The following SIN3B variants were observed in gnomAD, a reference collection of about 807,000 sequenced individuals.
The protein encoded by SIN3B is SIN3 transcription regulator family member B.
SIN3B carries 19 observed loss-of-function variants against 120.2 expected under a neutral mutation model. That is an observed-to-expected ratio of 0.16 (90% confidence interval 0.11 to 0.23). SIN3B has a LOEUF of 0.23. Among genes scored for constraint, SIN3B ranks in the 10% least tolerant of loss-of-function variants. The pLI is 1.00. For missense variants in SIN3B, 1,073 were observed against 1,573.0 expected, an observed-to-expected ratio of 0.68 and a Z score of 5.38; for synonymous variants, 654 against 653.2, an observed-to-expected ratio of 1.00 and a Z score of -0.02.
Position 16,877,589 on chromosome 19 carries a change from G to A in SIN3B, c.2904G>A (p.Ala968=), listed in dbSNP as rs763804921. The change falls in exon 17 of 19, where the codon GCG becomes GCA. Residue 968 remains alanine (A), a synonymous_variant. Transcript: ENST00000248054. ...AGCAGTATGTGGGGACCGAGGGCGC[G>A]TCCAGCTCGCCCACTGAGGGCTTCC... ...YVEQYVGTEG[A]SSSPTEGFLL... The A allele has an allele frequency of 9.3e-5, 150 of 1,612,306 alleles. No homozygotes were observed. The highest frequency in any genetic ancestry group is 1.1e-4 in the Non-Finnish European group (131 of 1,179,638).
At chr19:16,865,037 TGGTC>T (rs971248480) in intron 10 of SIN3B, 8 of 166,608 alleles carry the variant, frequency 4.8e-5, no homozygotes, top group African/African-American at 1.7e-4. Context: ...TTCACTATGT[TGGTC>T]GGGCTGGTCT....
intron 7 of SIN3B, among the ~76,000 whole-genome samples, 158 bp from the exon 8 acceptor site, chr19:16,853,985 T>A (rs530434919): frequency 6.6e-6 from 1 of 151,626 alleles, no homozygotes; most frequent in Non-Finnish European, 1.5e-5. Flanking sequence ...GTGCATGGAT[T>A]GCGTGCATGG....
At chr19:16,842,216 T>C (rs569466221) in intron 4 of SIN3B, among the ~76,000 whole-genome samples, 18 of 151,722 alleles carry the variant, frequency 1.2e-4, no homozygotes, top group African/African-American at 4.4e-4. Context: ...GCCTCCCAAG[T>C]AGCGGAGGCT....
chr19:16,863,224 A>T, intron 9 of SIN3B: 2 of 524,698 alleles, frequency 3.8e-6, no homozygotes, highest in South Asian at 4.7e-5. Context: ...CAAGTTCCTC[A>T]TCTGTGGTTT....
At chr19:16,868,142 T>C (rs1224686128) in intron 12 of SIN3B, among the ~76,000 whole-genome samples, 1 of 152,136 alleles carries the variant, frequency 6.6e-6, no homozygotes, top group Non-Finnish European at 1.5e-5. Context: ...GAGGGGACTG[T>C]AAAGGAATTT....
chr19:16,866,603 C>G (rs553368124), intron 12 of SIN3B, 47 bp downstream of exon 12: 2 of 1,576,404 alleles, frequency 1.3e-6, no homozygotes, highest in South Asian at 2.2e-5. Flanking sequence ...GGGGTCCTGG[C>G]TCTCCCGACC....
At chr19:16,856,967 G>A (rs1599602456) in intron 8 of SIN3B, among the ~76,000 whole-genome samples, 1 of 151,988 alleles carries the variant, frequency 6.6e-6, no homozygotes, top group Non-Finnish European at 1.5e-5. Context: ...TTTACCCCAG[G>A]GATAGTAGTT....
intron 8 of SIN3B, among the ~76,000 whole-genome samples, chr19:16,860,360 G>C (rs1252087214): frequency 1.3e-5 from 2 of 152,180 alleles, no homozygotes; most frequent in Non-Finnish European, 2.9e-5. Flanking sequence ...GAGCAGTCAC[G>C]ATTTGCGTTT....
intron 14 of SIN3B, 41 bp downstream of exon 14, chr19:16,871,439 A>G: frequency 6.4e-7 from 1 of 1,553,990 alleles, no homozygotes; most frequent in Non-Finnish European, 8.7e-7. Flanking sequence ...AGGACGGCGG[A>G]AATGGCTCTA....
At chr19:16,851,595 C>G in intron 6 of SIN3B, 61 bp downstream of exon 6, 1 of 1,510,984 alleles carries the variant, frequency 6.6e-7, no homozygotes. Context: ...TCGGGCCTTC[C>G]CAGCATGTGA....
intron 3 of SIN3B, among the ~76,000 whole-genome samples, chr19:16,839,714 G>T (rs1336591470): frequency 2.0e-5 from 3 of 152,056 alleles, no homozygotes; most frequent in Non-Finnish European, 4.4e-5. Context: ...CATCCCCAGA[G>T]AATCTTACAA....
intron 11 of SIN3B, 124 bp from the exon 12 acceptor site, chr19:16,866,249 G>T (rs2287794): frequency 5.6e-6 from 5 of 895,168 alleles, no homozygotes; most frequent in African/African-American, 1.7e-5. Context: ...GACTAGGCTG[G>T]GAGCTGGCTG....
At chr19:16,863,539 T>C in intron 9 of SIN3B, 141 bp from the exon 10 acceptor site, 3 of 670,050 alleles carry the variant, frequency 4.5e-6, no homozygotes, top group Admixed American at 4.6e-5. Context: ...AAAAACTTTA[T>C]GCACCTTCCC....
chr19:16,859,214 A>G (rs1199271632), intron 8 of SIN3B, among the ~76,000 whole-genome samples: 7 of 152,124 alleles, frequency 4.6e-5, no homozygotes, highest in Non-Finnish European at 7.4e-5. Flanking sequence ...ACAAGCACTC[A>G]TAGGTGAGCT....
At chr19:16,829,987 C>G (rs1599584009) in intron 2 of SIN3B, 90 bp downstream of exon 2, 1 of 847,898 alleles carries the variant, frequency 1.2e-6, no homozygotes, top group Non-Finnish European at 2.0e-6. Context: ...CAGCCTGCCC[C>G]CTTAGCCGGG....
rs746609336 is a variant in SIN3B, at chr19:16,878,291, C to T, written c.3063C>T (p.Asp1021=). ...TGGTGGGCGTGGAGAGCGCCTGCGA[C>T]GTGGACTGCCGCTTCAAGCTCAGCA... ...KRLVGVESAC[D]VDCRFKLSTH... is the part of the protein sequence containing the mutation. Residue 1021 remains aspartate (D), a synonymous_variant, in exon 18 of 19, where the codon GAC becomes GAT. Transcript: ENST00000248054. The T allele has an allele frequency of 4.4e-5, 71 of 1,608,128 alleles. No homozygotes were observed. Among genetic ancestry groups the T allele is most frequent in the Non-Finnish European group, 5.6e-5 (66 of 1,177,904 alleles).
intron 3 of SIN3B, 108 bp downstream of exon 3, chr19:16,831,755 A>T: frequency 3.1e-6 from 3 of 956,524 alleles, no homozygotes. Flanking sequence ...GCCACTTAAG[A>T]TCTGTTCTTT....
chr19:16,853,265 T>C, intron 7 of SIN3B, 107 bp downstream of exon 7: 1 of 1,044,494 alleles, frequency 9.6e-7, no homozygotes, highest in South Asian at 1.4e-5. Flanking sequence ...GTAGGGTGGG[T>C]GCAGTCTGAG....
chr19:16,866,368 C>A lies in SIN3B; in HGVS notation c.1623-5C>A, dbSNP rs147064214. On this transcript the variant is annotated splice_region_variant and splice_polypyrimidine_tract_variant and intron_variant, in intron 11 of 18. Coordinates refer to ENST00000248054, the MANE Select transcript of SIN3B (RefSeq NM_001297595.2). ...CCCTGGTGCTGACCTCTCTTCCCCC[C>A]GCAGACTGAAGGCCAAGGAAGAGGA... 6 of 1,609,804 alleles carry A rather than the reference C, an allele frequency of 3.7e-6. No homozygotes were observed. The highest frequency in any genetic ancestry group is 1.1e-5 in the South Asian group (1 of 90,926).
Sources: allele counts gnomAD v4.1 joint callset (sites outside exome capture counted in the v4.1 genomes callset), GRCh38; gene constraint gnomAD v4.1.1; transcripts MANE v1.5; gene names NCBI Gene and HGNC (gene_info 2026-07-23, HGNC 2026-07-21).